PHLDB2: variants seen among roughly 807,000 people sequenced by gnomAD.
PHLDB2 encodes pleckstrin homology-like domain family B member 2.
In PHLDB2, 71 loss-of-function variants were observed where a neutral mutation model predicts 123.6. That is an observed-to-expected ratio of 0.57 (90% confidence interval 0.47 to 0.70). The LOEUF (loss-of-function observed/expected upper bound fraction) is 0.70. PHLDB2 is among the 30% of genes least tolerant of loss of function. The probability of loss-of-function intolerance (pLI) is 0.00; values close to 1 mark genes in which losing one functional copy is unlikely to be tolerated. For missense variants in PHLDB2, 1,446 were observed against 1,519.5 expected (o/e 0.95, Z 0.80); for synonymous variants, 547 against 541.6 (o/e 1.01, Z -0.14).
At chr3:111,771,351 CTT>C (rs11291070) in intron 1 of PHLDB2, among the ~76,000 whole-genome samples, 57 of 146,914 alleles carry the variant, frequency 3.9e-4, no homozygotes, top group East Asian at 1.6e-3. Context: ...CTGCCTTCAT[CTT>C]TTTTTTTTTT....
intron 1 of PHLDB2, among the ~76,000 whole-genome samples, chr3:111,862,878 A>G (rs1039999557): frequency 6.6e-5 from 10 of 152,102 alleles, no homozygotes; most frequent in African/African-American, 2.2e-4. Flanking sequence ...TTATAGATGT[A>G]AAAAACTGAG....
At chr3:111,828,003 C>T (rs2062750334) in intron 1 of PHLDB2, among the ~76,000 whole-genome samples, 1 of 152,222 alleles carries the variant, frequency 6.6e-6, no homozygotes, top group Non-Finnish European at 1.5e-5. Flanking sequence ...CAGAGGACTT[C>T]CTAAAACTGC....
chr3:111,946,814 C>A (rs558188641), intron 9 of PHLDB2, among the ~76,000 whole-genome samples: 1 of 152,170 alleles, frequency 6.6e-6, no homozygotes, highest in African/African-American at 2.4e-5. Flanking sequence ...TCTGTGACTA[C>A]TGGATCATAA....
intron 1 of PHLDB2, among the ~76,000 whole-genome samples, chr3:111,830,227 A>G (rs1482126960): frequency 6.6e-6 from 1 of 152,158 alleles, no homozygotes; most frequent in Non-Finnish European, 1.5e-5. Flanking sequence ...GTGGCAGCAT[A>G]AAGTAATTTC....
At position 111,895,580 on chromosome 3, in the gene PHLDB2, G is replaced by A. The variant is rs548730880; in HGVS notation, c.1335+10168G>A. 7.2e-5 allele frequency among the ~76,000 whole-genome samples: 11 copies of A among 152,308 alleles called. No individual in the cohort carries two copies. In the South Asian group the frequency reaches 1.7e-3, roughly 23 times the overall value. The stretch of plus-strand genomic sequence containing the variant: ...ATAGGAGTGGAGGCCAGGCGTGTTG[G>A]CTCACGCCTGTAATCCCAGCACTCT... On this transcript the variant is annotated intron_variant, in intron 2 of 17. Transcript: ENST00000431670.
chr3:111,843,124 G>A (rs2063770086), intron 1 of PHLDB2, among the ~76,000 whole-genome samples: 1 of 152,302 alleles, frequency 6.6e-6, no homozygotes, highest in African/African-American at 2.4e-5. Context: ...CGTAGGAGTG[G>A]AATTTCTGGA....
intron 1 of PHLDB2, among the ~76,000 whole-genome samples, chr3:111,779,252 TCTTTTTCAA>T (rs34065870): frequency 0.27 from 40,297 of 151,574 alleles, 6,733 homozygotes; most frequent in African/African-American, 0.48. Flanking sequence ...TATATTTTTT[TCTTTTTCAA>T]CTTTTATTAT....
At chr3:111,896,774 CA>C (rs1320427410) in intron 2 of PHLDB2, among the ~76,000 whole-genome samples, 1 of 150,366 alleles carries the variant, frequency 6.7e-6, no homozygotes, top group Non-Finnish European at 1.5e-5. Context: ...AAAAAAAATC[CA>C]AAACAAGCAT....
At chr3:111,764,744 G>A (rs2060051541) in intron 1 of PHLDB2, among the ~76,000 whole-genome samples, 1 of 152,166 alleles carries the variant, frequency 6.6e-6, no homozygotes, top group African/African-American at 2.4e-5. Flanking sequence ...GGCTCCAAGG[G>A]CGCCTTTAAT....
chr3:111,971,169 T>C (rs1453749692), intron 16 of PHLDB2, among the ~76,000 whole-genome samples: 5 of 152,250 alleles, frequency 3.3e-5, no homozygotes, highest in Admixed American at 6.5e-5. Flanking sequence ...ATTTGATGTC[T>C]GCACACTGCA....
intron 2 of PHLDB2, among the ~76,000 whole-genome samples, chr3:111,898,055 A>G (rs2066969917): frequency 6.6e-6 from 1 of 152,202 alleles, no homozygotes; most frequent in African/African-American, 2.4e-5. Flanking sequence ...ATGAGCCTTC[A>G]GTGAGTTGTA....
chr3:111,795,372 A>G (rs2061108649), intron 1 of PHLDB2, among the ~76,000 whole-genome samples: 1 of 151,800 alleles, frequency 6.6e-6, no homozygotes. Context: ...ATTGTCCAAG[A>G]CCTATGGTCC....
intron 2 of PHLDB2, among the ~76,000 whole-genome samples, chr3:111,848,787 G>C (rs1185618863): frequency 6.6e-6 from 1 of 152,198 alleles, no homozygotes; most frequent in Non-Finnish European, 1.5e-5. Flanking sequence ...TACCTTTTCT[G>C]TGTTGAGATG....
intron 2 of PHLDB2, among the ~76,000 whole-genome samples, chr3:111,852,545 C>T (rs1022231278): frequency 3.3e-5 from 5 of 151,820 alleles, no homozygotes; most frequent in African/African-American, 1.2e-4. Flanking sequence ...ACAAAGAAAA[C>T]CAACAGAGAG....
chr3:111,818,667 C>G (rs1007735477), intron 1 of PHLDB2, among the ~76,000 whole-genome samples: 7 of 152,178 alleles, frequency 4.6e-5, no homozygotes, highest in African/African-American at 7.2e-5. Context: ...TTACTAGCAC[C>G]AGAGTGAAAG....
rs969213660 is a variant in PHLDB2 at position 111,837,401 on chromosome 3, G to T, written c.-48-8420G>T. 3.3e-5 allele frequency among the ~76,000 whole-genome samples: 5 copies of T among 152,112 alleles called. No individual in the cohort carries two copies. The East Asian group carries it at 9.6e-4, about 29-fold the overall frequency. On this transcript the variant is annotated intron_variant, in intron 1 of 17. Coordinates refer to the PHLDB2 transcript ENST00000393923. The stretch of plus-strand genomic sequence containing the variant: ...AATAAAGAGGGGGTGGCATGGAGAA[G>T]AGTGTGTTCTATATCAATCTCTCTC...
chr3:111,949,274 T>A (rs1279483945), intron 10 of PHLDB2, among the ~76,000 whole-genome samples, 199 bp downstream of exon 10: 1 of 152,118 alleles, frequency 6.6e-6, no homozygotes, highest in Non-Finnish European at 1.5e-5. Flanking sequence ...CTAGAAACCA[T>A]GAAATTTATG....
intron 1 of PHLDB2, 169 bp downstream of exon 1, chr3:111,859,745 G>A (rs2064707935): frequency 1.0e-6 from 1 of 985,478 alleles, no homozygotes; most frequent in East Asian, 1.1e-4. Flanking sequence ...CCGAGGAGGG[G>A]CGCGCTGACT....
chr3:111,970,486 A>G (rs2072098664), intron 16 of PHLDB2, among the ~76,000 whole-genome samples: 1 of 152,240 alleles, frequency 6.6e-6, no homozygotes, highest in Non-Finnish European at 1.5e-5. Context: ...TTCATAAACT[A>G]GAATGATCTT....
Sources: allele counts gnomAD v4.1 joint callset (sites outside exome capture counted in the v4.1 genomes callset), GRCh38; gene constraint gnomAD v4.1.1; transcripts MANE v1.5; gene names NCBI Gene and HGNC (gene_info 2026-07-23, HGNC 2026-07-21).